NCKAP1: variants seen among roughly 807,000 people sequenced by gnomAD.
The protein encoded by NCKAP1 is NCK associated protein 1, also known as nck-associated protein 1.
NCKAP1 carries 21 observed loss-of-function variants against 151.2 expected under a neutral mutation model. That is an observed-to-expected ratio of 0.14 (90% CI 0.10 to 0.20). The LOEUF (loss-of-function observed/expected upper bound fraction) is 0.20. NCKAP1 is among the 10% of genes least tolerant of loss of function. The probability of loss-of-function intolerance (pLI) is 1.00; values close to 1 mark genes in which losing one functional copy is unlikely to be tolerated. For synonymous variants in NCKAP1, 484 were observed against 451.8 expected, an observed-to-expected ratio of 1.07 and a Z score of -0.90; for missense variants, 933 against 1,352.1, an observed-to-expected ratio of 0.69 and a Z score of 4.86.
At chr2:183,020,841 T>G (rs1349941746) in intron 2 of NCKAP1, among the ~76,000 whole-genome samples, 1 of 152,174 alleles carries the variant, frequency 6.6e-6, no homozygotes, top group African/African-American at 2.4e-5. Context: ...GAAACCTCAC[T>G]TCTCATGTCC....
chr2:182,966,912 C>G (rs1697583088), intron 16 of NCKAP1, among the ~76,000 whole-genome samples: 1 of 152,092 alleles, frequency 6.6e-6, no homozygotes, highest in African/African-American at 2.4e-5. Context: ...TCCCTTTAGT[C>G]TAATCATGCA....
At chr2:182,937,420 T>G (rs1431078028) in intron 24 of NCKAP1, among the ~76,000 whole-genome samples, 2 of 152,112 alleles carry the variant, frequency 1.3e-5, no homozygotes, top group African/African-American at 4.8e-5. Flanking sequence ...GAACTAACTC[T>G]AGAACAGAGG....
intron 18 of NCKAP1, among the ~76,000 whole-genome samples, chr2:182,958,312 T>G (rs1298250914): frequency 6.6e-6 from 1 of 152,030 alleles, no homozygotes; most frequent in Non-Finnish European, 1.5e-5. Flanking sequence ...CTAATTTTAT[T>G]TGTATATTTT....
At chr2:182,996,897 C>T (rs1024675423) in intron 6 of NCKAP1, among the ~76,000 whole-genome samples, 1 of 152,216 alleles carries the variant, frequency 6.6e-6, no homozygotes, top group Admixed American at 6.5e-5. Flanking sequence ...TATTAAGCTA[C>T]ACAAAGTGAT....
Position 183,038,135 on chromosome 2 carries a change from C to G in NCKAP1, c.-36G>C. ...GTGCCGCCGCCGCCGCCGGCCGCCT[C>G]GCGCCCAGTCACGGGCCCGCGGCCT... On this transcript the variant is annotated 5_prime_UTR_variant, in exon 1 of 31. Transcript: ENST00000361354. 1 of 1,478,542 alleles carries G rather than the reference C, an allele frequency of 6.8e-7. No individual in the cohort carries two copies. Among genetic ancestry groups the G allele is most frequent in the Non-Finnish European group, 9.0e-7 (1 of 1,113,106 alleles). 91.6% of individuals were successfully genotyped at this position (1,478,542 alleles called of 1,614,324 possible).
intron 7 of NCKAP1, 66 bp downstream of exon 7, chr2:182,995,635 T>C (rs1245638490): frequency 6.9e-7 from 1 of 1,458,808 alleles, no homozygotes; most frequent in Admixed American, 1.8e-5. Context: ...AGCAACAGCA[T>C]TACTGAACTA....
rs1012900903 is a variant in NCKAP1 at position 182,987,889 on chromosome 2, G to T, written c.947+1141C>A. Among the ~76,000 whole-genome samples, 3 of 152,104 alleles carry T rather than the reference G, an allele frequency of 2.0e-5. 1 individual carries two copies. The East Asian group carries it at 5.8e-4, about 29-fold the overall frequency. ...GTCACTTGAGAAAGGAGTGGGGGGGGAGTGGGGACTAGGCATGGCAGTACC... is the reference window on the plus strand; with the variant it reads ...GTCACTTGAGAAAGGAGTGGGGGGGTAGTGGGGACTAGGCATGGCAGTACC... On this transcript the variant is annotated intron_variant, in intron 9 of 30. Coordinates refer to ENST00000361354, the MANE Select transcript of NCKAP1 (RefSeq NM_013436.5).
intron 8 of NCKAP1, among the ~76,000 whole-genome samples, chr2:182,992,192 T>C (rs1303045140): frequency 6.6e-6 from 1 of 152,202 alleles, no homozygotes; most frequent in Non-Finnish European, 1.5e-5. Context: ...GTAGACTACC[T>C]ATTGAAGAAA....
chr2:182,941,608 T>C (rs1696996223), intron 24 of NCKAP1, among the ~76,000 whole-genome samples: 1 of 152,208 alleles, frequency 6.6e-6, no homozygotes, highest in Non-Finnish European at 1.5e-5. Context: ...CTGATGGAAC[T>C]GTTCTATATC....
chr2:183,003,560 A>C (rs1157330598), intron 2 of NCKAP1, among the ~76,000 whole-genome samples: 2 of 152,078 alleles, frequency 1.3e-5, no homozygotes, highest in African/African-American at 4.8e-5. Flanking sequence ...AAATTGCGCT[A>C]CTATTAAGGA....
rs1553507884 is a variant in NCKAP1, at chr2:182,923,281, C to CAT, written c.*2420_*2421insAT. On this transcript the variant is annotated 3_prime_UTR_variant, in exon 31 of 31. Coordinates refer to ENST00000361354, the MANE Select transcript of NCKAP1 (RefSeq NM_013436.5). ...TCCAATCTATCCAAATGAGTATTTT[C>CAT]TTTTTTTTTTTGAGACAGTCTCATT... 1 of 146,908 alleles carries CAT rather than the reference C, an allele frequency of 6.8e-6. No homozygotes were observed. The highest frequency in any genetic ancestry group is 2.5e-5 in the African/African-American group (1 of 40,290). The allele number at this position is 146,908 out of a possible 1,614,324, so 9.1% of individuals were successfully genotyped here. A position where few individuals can be genotyped will look rare whatever the true frequency, so the allele number is the denominator to read the frequency against.
At position 182,978,874 on chromosome 2, in the gene NCKAP1, G is replaced by C. The variant is rs71427865; in HGVS notation, c.1383C>G (p.Ser461=). The change falls in exon 14 of 31, where the codon TCC becomes TCG. Residue 461 remains serine, a synonymous_variant. Transcript: ENST00000361354. ...GGGAAGTCATAGTGTTAACAAAAGAGGACATGATGATTGATTCATCTTCAG... is the reference window on the plus strand; with the variant it reads ...GGGAAGTCATAGTGTTAACAAAAGACGACATGATGATTGATTCATCTTCAG... ...VCPEDESIIM[S]SFVNTMTSLS... The C allele has an allele frequency of 4.4e-6, 7 of 1,608,554 alleles. No homozygotes were observed. The highest frequency in any genetic ancestry group is 6.0e-6 in the Non-Finnish European group (7 of 1,176,240).
At chr2:182,984,461 CA>C (rs1698009758) in intron 10 of NCKAP1, among the ~76,000 whole-genome samples, 1 of 133,912 alleles carries the variant, frequency 7.5e-6, no homozygotes, top group East Asian at 1.9e-4. Flanking sequence ...TTGCCTATGC[CA>C]AAAACCCAAG....
intron 2 of NCKAP1, among the ~76,000 whole-genome samples, chr2:183,013,694 T>TG (rs1698631704): frequency 6.6e-6 from 1 of 152,164 alleles, no homozygotes; most frequent in Non-Finnish European, 1.5e-5. Context: ...TCCCCTCCTA[T>TG]GGCATCTCAA....
At chr2:182,980,486 ATG>A (rs1166619015) in intron 13 of NCKAP1, among the ~76,000 whole-genome samples, 1 of 152,122 alleles carries the variant, frequency 6.6e-6, no homozygotes, top group African/African-American at 2.4e-5. Context: ...CATTTGAAAC[ATG>A]TAATTCTATA....
intron 20 of NCKAP1, 121 bp downstream of exon 20, chr2:182,956,341 G>A (rs781454517): frequency 1.8e-5 from 23 of 1,290,492 alleles, no homozygotes; most frequent in Middle Eastern, 2.6e-4. Context: ...CGCCCGGCCC[G>A]GTTCATTATT....
At chr2:183,011,128 G>A (rs1342542297) in intron 2 of NCKAP1, among the ~76,000 whole-genome samples, 3 of 152,170 alleles carry the variant, frequency 2.0e-5, no homozygotes, top group Non-Finnish European at 4.4e-5. Context: ...TGCTCCTGAT[G>A]AGAGTTCCTT....
Position 182,918,299 on chromosome 2 carries a change from T to G in NCKAP1, c.*7403A>C, listed in dbSNP as rs1372067635. The G allele has an allele frequency of 6.6e-6, 1 of 152,178 alleles. No homozygotes were observed. Among genetic ancestry groups the G allele is most frequent in the Admixed American group, 6.5e-5 (1 of 15,280 alleles). 9.4% of individuals were successfully genotyped at this position (152,178 alleles called of 1,614,324 possible). On this transcript the variant is annotated 3_prime_UTR_variant, in exon 31 of 31. Transcript: ENST00000361354. The stretch of plus-strand genomic sequence containing the variant: ...ATTGTTAATGTAAAGCAGTTTCAAA[T>G]GCTACTGGATAGAATTTGATCCAGC...
rs116293363 is a variant in NCKAP1 at position 183,020,555 on chromosome 2, G to A, written c.219+3251C>T. On this transcript the variant is annotated intron_variant, in intron 2 of 30. Transcript: ENST00000361354. ...TATGAGTACCTTTTCTGAAATTGGGGGACATGTGTTACTTGTAAGACATGA... is the reference window on the plus strand; with the variant it reads ...TATGAGTACCTTTTCTGAAATTGGGAGACATGTGTTACTTGTAAGACATGA... Among the ~76,000 whole-genome samples the A allele has an allele frequency of 5.5e-3, 838 of 151,836 alleles. 5 individuals carry two copies. Among genetic ancestry groups the A allele is most frequent in the African/African-American group, 0.019 (795 of 41,398 alleles).
Sources: allele counts gnomAD v4.1 joint callset (sites outside exome capture counted in the v4.1 genomes callset), GRCh38; gene constraint gnomAD v4.1.1; transcripts MANE v1.5; gene names NCBI Gene and HGNC (gene_info 2026-07-23, HGNC 2026-07-21).